Variants in SMARCD1 observed in about 807,000 individuals in gnomAD.
SMARCD1 encodes the protein SWI/SNF related BAF chromatin remodeling complex subunit D1, also known as SWI/SNF-related matrix-associated actin-dependent regulator of chromatin subfamily D member 1.
Under a neutral mutation model 70.8 loss-of-function variants are expected in SMARCD1, and 16 were observed. The ratio of observed to expected loss-of-function variants is 0.23; its 90% CI spans 0.15 to 0.34. The LOEUF (loss-of-function observed/expected upper bound fraction) is 0.34, where lower values mean the gene tolerates loss of function less well. Among genes scored for constraint, SMARCD1 ranks in the 10% least tolerant of loss-of-function variants. The pLI is 1.00. For synonymous variants in SMARCD1, 249 were observed against 246.0 expected (o/e 1.01, Z -0.11); for missense variants, 409 against 655.5 (o/e 0.62, Z 4.11).
At position 50,094,548 on chromosome 12, in the gene SMARCD1, G is replaced by C; in HGVS notation, c.1245G>C (p.Gln415His). ...TTCTGCTGTCCACTGCCAGCCAACA[G>C]GAGATTGCTACTCTAGACAACAAGG... ...NSFLLSTASQ[Q>H]EIATLDNKIH... The change falls in exon 10 of 13, where the codon CAG becomes CAC. Residue 415 changes from glutamine to histidine, a missense_variant. Gln to His is a conservative substitution (Grantham distance 24). This residue lies in a region of SMARCD1 where 269 missense variants were observed against 498.6 expected (regional missense o/e 0.54). Coordinates refer to ENST00000394963, the MANE Select transcript of SMARCD1 (RefSeq NM_003076.5). 2 of 1,614,132 alleles carry C rather than the reference G, an allele frequency of 1.2e-6. No homozygotes were observed. The highest frequency in any genetic ancestry group is 1.7e-6 in the Non-Finnish European group (2 of 1,180,022).
rs993328878 is a variant in SMARCD1 at position 50,086,183 on chromosome 12, G to T, written c.200G>T (p.Ser67Ile). Reference sequence around the variant, plus strand: ...TAGAGACCAGGTATGTTGCCAGGCAGCCGAATGACACCTCAGGGACCTTCC... The same window carrying T: ...TAGAGACCAGGTATGTTGCCAGGCATCCGAATGACACCTCAGGGACCTTCC... Reference protein sequence around the residue: ...AYPRPGMLPGSRMTPQGPSMG... With the variant: ...AYPRPGMLPGIRMTPQGPSMG... The change falls in exon 2 of 13, where the codon AGC (serine) becomes ATC (isoleucine). Residue 67 changes from serine to isoleucine, a missense_variant. Physicochemically the swap from Ser to Ile is moderately radical, Grantham distance 142. Transcript: ENST00000394963. 6.4e-7 allele frequency: 1 copy of T among 1,571,780 alleles called. No homozygotes were observed.
At chr12:50,095,854 G>A (rs1020937409) in intron 10 of SMARCD1, among the ~76,000 whole-genome samples, 2 of 152,168 alleles carry the variant, frequency 1.3e-5, no homozygotes, top group Admixed American at 1.3e-4. Flanking sequence ...AGCTAGATAG[G>A]GAGCCAGATG....
rs150931555 is a variant in SMARCD1, at chr12:50,092,364, C to T, written c.1133+1774C>T. On this transcript the variant is annotated intron_variant, in intron 9 of 12. Transcript: ENST00000394963. ...TCAGCCTCCCAAGTAGTTGGGATTA[C>T]AGGCGCATGCCACCACGCCCAGCTA... Among the ~76,000 whole-genome samples the T allele has an allele frequency of 2.9e-3, 429 of 147,660 alleles. 1 individual carries two copies. Among genetic ancestry groups the T allele is most frequent in the African/African-American group, 9.9e-3 (398 of 40,172 alleles).
At chr12:50,098,501 C>T (rs1044245606) in intron 11 of SMARCD1, 45 of 570,394 alleles carry the variant, frequency 7.9e-5, no homozygotes, top group African/African-American at 4.1e-4. Flanking sequence ...GGGAACCTAC[C>T]GGTCATATTA....
At chr12:50,089,437 C>G in intron 6 of SMARCD1, 1 of 157,898 alleles carries the variant, frequency 6.3e-6, no homozygotes, top group Non-Finnish European at 1.4e-5. Flanking sequence ...CCGCCACTTA[C>G]TGGCTGTTTG....
chr12:50,088,674 G>A, intron 6 of SMARCD1, 37 bp downstream of exon 6: 1 of 1,130,298 alleles, frequency 8.8e-7, no homozygotes, highest in East Asian at 2.4e-5. Context: ...GACTCTGATT[G>A]GAGGATGATG....
At chr12:50,098,246 C>T (rs1592295555) in intron 11 of SMARCD1, among the ~76,000 whole-genome samples, 1 of 152,206 alleles carries the variant, frequency 6.6e-6, no homozygotes, top group Non-Finnish European at 1.5e-5. Flanking sequence ...CTGTAGCAAA[C>T]TACCACAAAC....
At chr12:50,086,506 C>T (rs1274979893) in intron 2 of SMARCD1, 115 bp from the exon 3 acceptor site, 31 of 464,858 alleles carry the variant, frequency 6.7e-5, no homozygotes, top group Non-Finnish European at 8.2e-5. Flanking sequence ...GGTGGTAGTT[C>T]TTTGAGAGAA....
chr12:50,090,742 T>G, intron 9 of SMARCD1, 152 bp downstream of exon 9: 1 of 538,352 alleles, frequency 1.9e-6, no homozygotes, highest in African/African-American at 1.9e-5. Flanking sequence ...AACTTATAAT[T>G]AAATATATTA....
chr12:50,091,400 C>CT (rs1184846928), intron 9 of SMARCD1, among the ~76,000 whole-genome samples: 5 of 152,164 alleles, frequency 3.3e-5, no homozygotes, highest in African/African-American at 1.2e-4. Flanking sequence ...CGTAGCCTCC[C>CT]ACATAGCTGG....
At chr12:50,087,032 G>A (rs1950797821) in intron 4 of SMARCD1, 154 bp downstream of exon 4, 1 of 791,432 alleles carries the variant, frequency 1.3e-6, no homozygotes, top group Non-Finnish European at 2.0e-6. Flanking sequence ...TACATTAGGA[G>A]GATAAGAACA....
At chr12:50,087,888 T>C (rs1950805900) in intron 5 of SMARCD1, among the ~76,000 whole-genome samples, 1 of 152,028 alleles carries the variant, frequency 6.6e-6, no homozygotes. Context: ...ACAGTTTAAG[T>C]AGGATAGATT....
Position 50,099,051 on chromosome 12 carries a change from T to C in SMARCD1, c.*51T>C, listed in dbSNP as rs1227443919. On this transcript the variant is annotated 3_prime_UTR_variant, in exon 13 of 13. Transcript: ENST00000394963. ...CTGCACCAATTCTTGATTTGGGCCC[T>C]GTGCTGCCTGCCTCATAGTATCTGC... The C allele has an allele frequency of 2.8e-6, 4 of 1,453,630 alleles. No individual in the cohort carries two copies. The highest frequency in any genetic ancestry group is 1.7e-5 in the Admixed American group (1 of 59,804). The allele number at this position is 1,453,630 out of a possible 1,614,324, so 90.0% of individuals were successfully genotyped here.
chr12:50,094,740 A>T (rs1039931995), intron 10 of SMARCD1, among the ~76,000 whole-genome samples, 168 bp downstream of exon 10: 2 of 152,112 alleles, frequency 1.3e-5, no homozygotes, highest in Non-Finnish European at 2.9e-5. Context: ...GATTGTGGGG[A>T]TACTCTCAAC....
chr12:50,086,360 C>A lies in SMARCD1; in HGVS notation c.365+12C>A. Reference sequence around the variant, plus strand: ...AATCGAAACCACAAGTAAGATGATCCTGGGGCAGAGGGAGGGAGGGAGGGA... The same window carrying A: ...AATCGAAACCACAAGTAAGATGATCATGGGGCAGAGGGAGGGAGGGAGGGA... On this transcript the variant is annotated intron_variant, in intron 2 of 12. Coordinates refer to ENST00000394963, the MANE Select transcript of SMARCD1 (RefSeq NM_003076.5). 1 of 687,708 alleles carries A rather than the reference C, an allele frequency of 1.5e-6. No homozygotes were observed. Among genetic ancestry groups the A allele is most frequent in the Non-Finnish European group, 2.4e-6 (1 of 417,214 alleles). The allele number at this position is 687,708 out of a possible 1,614,324, so 42.6% of individuals were successfully genotyped here. A position where few individuals can be genotyped will look rare whatever the true frequency, so the allele number is the denominator to read the frequency against.
chr12:50,094,368 T>C (rs937432857), intron 9 of SMARCD1, 69 bp from the exon 10 acceptor site: 2 of 1,484,068 alleles, frequency 1.3e-6, no homozygotes, highest in Non-Finnish European at 9.1e-7. Context: ...CTGGGTCATC[T>C]TTTTGACCCT....
chr12:50,098,379 C>T (rs1472507554), intron 11 of SMARCD1: 2 of 324,094 alleles, frequency 6.2e-6, no homozygotes, highest in Admixed American at 9.3e-5. Flanking sequence ...CATCTCTCAG[C>T]TTCTGGTACC....
chr12:50,100,391 A>G lies in SMARCD1; in HGVS notation c.*1391A>G, dbSNP rs551360502. The G allele has an allele frequency of 1.4e-5, 2 of 141,374 alleles. No individual in the cohort carries two copies. The highest frequency in any genetic ancestry group is 2.2e-4 in the East Asian group (1 of 4,504). The allele number at this position is 141,374 out of a possible 1,614,324, so 8.8% of individuals were successfully genotyped here. ...TCCCTCCCTGTTCTACACTGGGGACAGCAGAATTTTCTCCCCGTCTTCCCC... is the reference window on the plus strand; with the variant it reads ...TCCCTCCCTGTTCTACACTGGGGACGGCAGAATTTTCTCCCCGTCTTCCCC... On this transcript the variant is annotated 3_prime_UTR_variant, in exon 13 of 13. Coordinates refer to ENST00000394963, the MANE Select transcript of SMARCD1 (RefSeq NM_003076.5).
intron 11 of SMARCD1, among the ~76,000 whole-genome samples, chr12:50,097,517 A>G (rs1486391230): frequency 6.6e-6 from 1 of 151,972 alleles, no homozygotes; most frequent in Non-Finnish European, 1.5e-5. Context: ...GTGCCGCTGC[A>G]CTCCAGCCTG....
Sources: allele counts gnomAD v4.1 joint callset (sites outside exome capture counted in the v4.1 genomes callset), GRCh38; gene constraint gnomAD v4.1.1; regional missense constraint gnomAD v4.1.1; transcripts MANE v1.5; gene names NCBI Gene and HGNC (gene_info 2026-07-23, HGNC 2026-07-21).